The following C1QTNF3 variants were observed in gnomAD, a reference collection of about 807,000 sequenced individuals.
C1QTNF3 encodes C1q and TNF related 3, also known as complement C1q tumor necrosis factor-related protein 3.
C1QTNF3 carries 26 observed loss-of-function variants against 32.6 expected under a neutral mutation model. The observed-to-expected ratio is 0.80, with a 90% CI of 0.58 to 1.11. The LOEUF is 1.11. Ranked by LOEUF, C1QTNF3 falls within the 50% of genes least tolerant of loss-of-function variation. The pLI is 0.00. For synonymous variants in C1QTNF3, 155 were observed against 146.0 expected, an observed-to-expected ratio of 1.06 and a Z score of -0.44; for missense variants, 362 against 398.2, an observed-to-expected ratio of 0.91 and a Z score of 0.77.
intron 3 of C1QTNF3, 35 bp downstream of exon 3, chr5:34,033,269 G>C: frequency 6.2e-7 from 1 of 1,604,630 alleles, no homozygotes; most frequent in Non-Finnish European, 8.5e-7. Flanking sequence ...AGGCAGGTTG[G>C]AAAGCCACCA....
chr5:34,056,487 GAGAGAGA>G, the C1QTNF3 span, among the ~76,000 whole-genome samples: 1 of 53,414 alleles, frequency 1.9e-5, no homozygotes, highest in African/African-American at 7.1e-5. Flanking sequence ...TATAGAGAGA[GAGAGAGA>G]GAGAGAGAGA....
upstream of C1QTNF3, among the ~76,000 whole-genome samples, chr5:34,048,031 G>A (rs1402980214): frequency 6.6e-6 from 1 of 152,098 alleles, no homozygotes; most frequent in Non-Finnish European, 1.5e-5. Context: ...TCAAGTGCAG[G>A]AAACTCACTG....
the C1QTNF3 span, among the ~76,000 whole-genome samples, chr5:34,225,148 T>C: frequency 2.6e-5 from 4 of 151,890 alleles, no homozygotes; most frequent in South Asian, 2.1e-4. Flanking sequence ...CTCTGTGGCA[T>C]AGAGGAAATT....
Position 34,028,878 on chromosome 5 carries a change from T to C in C1QTNF3, c.576A>G (p.Ala192=). 1.2e-6 allele frequency: 2 copies of C among 1,609,972 alleles called. No individual in the cohort carries two copies. Among genetic ancestry groups the C allele is most frequent in the South Asian group, 2.2e-5 (2 of 90,246 alleles). ...YPGIPPELQI[A]FMASLATHFS... ...AGTGGGTTGCCAGAGAAGCCATGAA[T>C]GCAATCTAAGGAAAGAATTATTGGT... The change falls in exon 4 of 6, where the codon GCA becomes GCG. Residue 192 remains alanine (A), a synonymous_variant. Transcript: ENST00000382065.
chr5:34,212,955 C>T, the C1QTNF3 span, among the ~76,000 whole-genome samples: 29 of 152,058 alleles, frequency 1.9e-4, no homozygotes, highest in East Asian at 3.9e-4. Context: ...CACATGCACA[C>T]GTATGTTTAT....
At chr5:34,028,635 T>C (rs752960390) in intron 4 of C1QTNF3, 119 bp downstream of exon 4, 169 of 858,460 alleles carry the variant, frequency 2.0e-4, no homozygotes, top group Non-Finnish European at 2.8e-5. Flanking sequence ...TCCTACTCCC[T>C]TCCTCCTTCT....
chr5:34,163,348 A>G, the C1QTNF3 span, among the ~76,000 whole-genome samples: 1 of 152,254 alleles, frequency 6.6e-6, no homozygotes, highest in South Asian at 2.1e-4. Context: ...AACTTTTTAA[A>G]AAGATTGATT....
At chr5:34,241,091 C>T in the C1QTNF3 span, among the ~76,000 whole-genome samples, 1 of 147,332 alleles carries the variant, frequency 6.8e-6, no homozygotes, top group Admixed American at 6.8e-5. Context: ...AAAAACAAAA[C>T]AAAAAAAAAA....
At chr5:34,229,425 T>C in the C1QTNF3 span, among the ~76,000 whole-genome samples, 2 of 152,156 alleles carry the variant, frequency 1.3e-5, no homozygotes, top group Admixed American at 1.3e-4. Context: ...TATTGATTAT[T>C]ACAGCAATCT....
At position 34,035,748 on chromosome 5, in the gene C1QTNF3, G is replaced by A. The variant is rs1421949654; in HGVS notation, c.314C>T (p.Thr105Ile). The change falls in exon 2 of 6, where the codon ACC (threonine) becomes ATC (isoleucine). Residue 105 changes from threonine (T) to isoleucine (I), a missense_variant. Coordinates refer to ENST00000382065, the MANE Select transcript of C1QTNF3 (RefSeq NM_181435.6). ...ITTFWGQSPQTGGLPPDCSKC... is the reference protein window; with the variant it reads ...ITTFWGQSPQIGGLPPDCSKC... ...ACTGCAGTCTGGGGGTAGTCCTCCGGTTTGTGGAGACTAAAAAGACAGAAA... is the reference window on the plus strand; with the variant it reads ...ACTGCAGTCTGGGGGTAGTCCTCCGATTTGTGGAGACTAAAAAGACAGAAA... 1.2e-6 allele frequency: 2 copies of A among 1,611,728 alleles called. No individual in the cohort carries two copies. The highest frequency in any genetic ancestry group is 1.7e-5 in the Admixed American group (1 of 59,568).
chr5:34,075,570 A>C, the C1QTNF3 span, among the ~76,000 whole-genome samples: 3 of 151,672 alleles, frequency 2.0e-5, no homozygotes, highest in African/African-American at 7.3e-5. Context: ...TCATACACCT[A>C]CTATAATAAA....
chr5:34,108,347 G>T, the C1QTNF3 span, among the ~76,000 whole-genome samples: 1 of 152,066 alleles, frequency 6.6e-6, no homozygotes, highest in African/African-American at 2.4e-5. Context: ...TTTCCAATAT[G>T]TGTTTCCAGT....
intron 2 of C1QTNF3, 70 bp downstream of exon 2, chr5:34,035,577 A>G: frequency 9.0e-7 from 1 of 1,116,326 alleles, no homozygotes; most frequent in Non-Finnish European, 1.4e-6. Context: ...CAAATTATTA[A>G]GGTTTGCCCT....
the C1QTNF3 span, among the ~76,000 whole-genome samples, chr5:34,146,713 G>A: frequency 6.6e-6 from 1 of 152,130 alleles, no homozygotes; most frequent in Non-Finnish European, 1.5e-5. Flanking sequence ...TAAAATCCTA[G>A]AAGAAAACCT....
chr5:34,183,175 C>T, the C1QTNF3 span, among the ~76,000 whole-genome samples: 3 of 152,284 alleles, frequency 2.0e-5, no homozygotes, highest in East Asian at 5.8e-4. Flanking sequence ...GACCGGGTTT[C>T]ACCACATTAG....
chr5:34,067,675 T>C, the C1QTNF3 span, among the ~76,000 whole-genome samples: 5 of 152,286 alleles, frequency 3.3e-5, no homozygotes, highest in East Asian at 9.6e-4. Context: ...CAAGATGAGA[T>C]TTGGATAGGG....
the C1QTNF3 span, among the ~76,000 whole-genome samples, chr5:34,197,963 C>T: frequency 4.0e-5 from 6 of 150,778 alleles, no homozygotes; most frequent in Non-Finnish European, 8.8e-5. Context: ...CGGCTGGGCA[C>T]GGTGGCTCAC....
upstream of C1QTNF3, among the ~76,000 whole-genome samples, chr5:34,044,354 T>C (rs1435826758): frequency 2.0e-5 from 3 of 152,138 alleles, no homozygotes; most frequent in Non-Finnish European, 4.4e-5. Flanking sequence ...CCTTCTCTCA[T>C]GAAAACTGGA....
At chr5:34,028,012 G>T (rs1030020217) in intron 4 of C1QTNF3, among the ~76,000 whole-genome samples, 1 of 151,198 alleles carries the variant, frequency 6.6e-6, no homozygotes, top group Non-Finnish European at 1.5e-5. Flanking sequence ...TCGCTCTGTC[G>T]CCCAGGCTGG....
Sources: gnomAD v4.1 joint callset for allele counts (sites outside exome capture counted in the v4.1 genomes callset) on GRCh38, gnomAD v4.1.1 for gene constraint, MANE v1.5 for transcripts, NCBI Gene and HGNC (gene_info 2026-07-23, HGNC 2026-07-21) for gene names.